Variants in XPO4 observed in about 807,000 individuals in gnomAD.
XPO4 encodes exportin 4.
In XPO4, 39 loss-of-function variants were observed where a neutral mutation model predicts 143.0. The observed-to-expected ratio is 0.27, with a 90% CI of 0.21 to 0.36. The LOEUF (loss-of-function observed/expected upper bound fraction) is 0.36, where lower values mean the gene tolerates loss of function less well. Among genes scored for constraint, XPO4 ranks in the 10% least tolerant of loss-of-function variants. The pLI, the probability that XPO4 is intolerant of heterozygous loss-of-function variation, is 1.00. For synonymous variants in XPO4, 439 were observed against 474.0 expected, an observed-to-expected ratio of 0.93 and a Z score of 0.96; for missense variants, 907 against 1,348.0, an observed-to-expected ratio of 0.67 and a Z score of 5.12.
At chr13:20,851,947 C>T (rs1302289436) in intron 4 of XPO4, 1 of 985,182 alleles carries the variant, frequency 1.0e-6, no homozygotes, top group Non-Finnish European at 1.2e-6. Context: ...TGCAGTGGGA[C>T]TAGTTTTTGT....
chr13:20,802,046 C>A (rs2059440530), intron 13 of XPO4, among the ~76,000 whole-genome samples: 1 of 152,084 alleles, frequency 6.6e-6, no homozygotes, highest in African/African-American at 2.4e-5. Context: ...AGGTTCCACC[C>A]CAGAATCTCT....
intron 4 of XPO4, chr13:20,848,601 C>T (rs936680134): frequency 1.0e-6 from 1 of 985,220 alleles, no homozygotes. Flanking sequence ...GATCTACATT[C>T]TGCAAAATTA....
rs572145663 is a variant in XPO4, at chr13:20,854,732, G to A, written c.456+895C>T. ...ACCGCAACTCCTCCTGCCTCAGACA[G>A]AGTGATTACAACCAAACAGCCACTC... On this transcript the variant is annotated intron_variant, in intron 4 of 22. Transcript: ENST00000255305. Among the ~76,000 whole-genome samples, 10 of 152,252 alleles carry A rather than the reference G, an allele frequency of 6.6e-5. No individual in the cohort carries two copies. The South Asian group carries it at 1.4e-3, about 22-fold the overall frequency.
chr13:20,820,679 TTAC>T (rs1171669522), intron 9 of XPO4, among the ~76,000 whole-genome samples: 3 of 152,226 alleles, frequency 2.0e-5, no homozygotes, highest in African/African-American at 4.8e-5. Flanking sequence ...TATTTTTCTG[TTAC>T]TACATTTTCT....
chr13:20,882,124 A>AAAAGAAAG (rs1171087028), intron 1 of XPO4, among the ~76,000 whole-genome samples: 6 of 147,900 alleles, frequency 4.1e-5, no homozygotes, highest in African/African-American at 1.6e-4. Context: ...AAAAAAAAAA[A>AAAAGAAAG]AAAGAAAGAA....
chr13:20,846,840 C>G (rs2060034031), intron 4 of XPO4, among the ~76,000 whole-genome samples: 1 of 151,728 alleles, frequency 6.6e-6, no homozygotes, highest in Non-Finnish European at 1.5e-5. Flanking sequence ...CACTTTATAC[C>G]TATGAAATAA....
intron 6 of XPO4, among the ~76,000 whole-genome samples, chr13:20,842,074 T>C (rs2059980810): frequency 1.3e-5 from 2 of 152,212 alleles, no homozygotes; most frequent in Non-Finnish European, 1.5e-5. Context: ...GTGTTTTAAA[T>C]GTATTGTTTC....
intron 1 of XPO4, among the ~76,000 whole-genome samples, chr13:20,874,244 A>G (rs1456250373): frequency 6.6e-6 from 1 of 152,274 alleles, no homozygotes; most frequent in Non-Finnish European, 1.5e-5. Flanking sequence ...AGAATATTAA[A>G]GTCAAACTGA....
rs1314799165 is a variant in XPO4 at position 20,780,274 on chromosome 13, C to A, written c.*3448G>T. 1 of 152,144 alleles carries A rather than the reference C, an allele frequency of 6.6e-6. No homozygotes were observed. Among genetic ancestry groups the A allele is most frequent in the East Asian group, 1.9e-4 (1 of 5,204 alleles). The allele number at this position is 152,144 out of a possible 1,614,324, so 9.4% of individuals were successfully genotyped here. A position where few individuals can be genotyped will look rare whatever the true frequency, so the allele number is the denominator to read the frequency against. Reference sequence around the variant, plus strand: ...CAACCACCTCTAACAACAGAGGTGGCAAACAGATAAAAATTGTTTAACAGA... The same window carrying A: ...CAACCACCTCTAACAACAGAGGTGGAAAACAGATAAAAATTGTTTAACAGA... On this transcript the variant is annotated 3_prime_UTR_variant, in exon 23 of 23. Transcript: ENST00000255305.
intron 4 of XPO4, among the ~76,000 whole-genome samples, chr13:20,853,666 A>G (rs1414269318): frequency 6.6e-6 from 1 of 152,202 alleles, no homozygotes; most frequent in Non-Finnish European, 1.5e-5. Flanking sequence ...TCACAATACT[A>G]AGATTAAGTA....
intron 1 of XPO4, chr13:20,902,040 GTTCTCCAAATCGCGGGAGCTTTAAGGAGC>G (rs2060624832): frequency 2.0e-6 from 2 of 976,884 alleles, no homozygotes; most frequent in South Asian, 9.5e-5. Context: ...CATAGACTCA[GTTCTCCAAATCGCGGGAGCTTTAAGGAGC>G]TTAGCACTAG....
intron 9 of XPO4, among the ~76,000 whole-genome samples, chr13:20,818,123 C>T (rs1383122507): frequency 6.6e-6 from 1 of 152,170 alleles, no homozygotes; most frequent in Non-Finnish European, 1.5e-5. Flanking sequence ...TTCATCTCCA[C>T]ATTCATTCTT....
intron 16 of XPO4, among the ~76,000 whole-genome samples, chr13:20,797,571 G>T (rs1176890322): frequency 6.6e-6 from 1 of 152,076 alleles, no homozygotes; most frequent in Non-Finnish European, 1.5e-5. Context: ...ACTTTAAGTT[G>T]TCCATATGAT....
At chr13:20,900,625 T>G (rs1481119784) in intron 1 of XPO4, among the ~76,000 whole-genome samples, 2 of 152,026 alleles carry the variant, frequency 1.3e-5, no homozygotes, top group African/African-American at 4.8e-5. Flanking sequence ...TCCTTTTTTT[T>G]TTTTTGAGAT....
intron 18 of XPO4, among the ~76,000 whole-genome samples, chr13:20,791,813 C>CA (rs757153189): frequency 3.5e-4 from 53 of 152,164 alleles, no homozygotes; most frequent in Non-Finnish European, 7.1e-4. Context: ...CTTATAACAA[C>CA]AAAAAGATCA....
At chr13:20,850,162 CT>C in intron 4 of XPO4, 4 of 985,070 alleles carry the variant, frequency 4.1e-6, no homozygotes, top group Non-Finnish European at 4.8e-6. Flanking sequence ...TTTTCTTCTG[CT>C]TTTCCATACT....
chr13:20,857,259 C>T (rs540720650), intron 3 of XPO4, among the ~76,000 whole-genome samples: 1 of 152,134 alleles, frequency 6.6e-6, no homozygotes, highest in Non-Finnish European at 1.5e-5. Context: ...TACAAATGTA[C>T]ACAAACATAG....
In XPO4 at chr13:20,862,861, G is replaced by A; in HGVS notation, c.176-3C>T. ...GACATAGTCCACTTTACTAGTTTCTGAGGAGAAAATTAAAAACTTTATTTA... is the reference window on the plus strand; with the variant it reads ...GACATAGTCCACTTTACTAGTTTCTAAGGAGAAAATTAAAAACTTTATTTA... On this transcript the variant is annotated splice_region_variant and splice_polypyrimidine_tract_variant and intron_variant, in intron 2 of 22. Coordinates refer to ENST00000255305, the MANE Select transcript of XPO4 (RefSeq NM_022459.5). 6.2e-7 allele frequency: 1 copy of A among 1,610,748 alleles called. No homozygotes were observed.
chr13:20,810,495 A>G (rs1309746185), intron 9 of XPO4, among the ~76,000 whole-genome samples: 1 of 152,236 alleles, frequency 6.6e-6, no homozygotes, highest in East Asian at 1.9e-4. Context: ...AGAAATACCA[A>G]AAGTGTCCCA....
Sources: allele counts gnomAD v4.1 joint callset (sites outside exome capture counted in the v4.1 genomes callset), GRCh38; gene constraint gnomAD v4.1.1; transcripts MANE v1.5; gene names NCBI Gene and HGNC (gene_info 2026-07-23, HGNC 2026-07-21).